Variants in ALOXE3 observed in about 807,000 individuals in gnomAD.
ALOXE3 encodes the protein arachidonate epidermal lipoxygenase 3, also known as hydroperoxide isomerase ALOXE3.
A neutral mutation model predicts 87.5 loss-of-function variants in ALOXE3; 78 were observed. The ratio of observed to expected loss-of-function variants is 0.89; its 90% CI spans 0.74 to 1.08. The LOEUF (loss-of-function observed/expected upper bound fraction) is 1.08, where lower values mean the gene tolerates loss of function less well. Ranked by LOEUF, ALOXE3 falls within the 50% of genes least tolerant of loss-of-function variation. ALOXE3 has a pLI of 0.00. For missense variants in ALOXE3, 946 were observed against 912.4 expected, an observed-to-expected ratio of 1.04 and a Z score of -0.47; for synonymous variants, 363 against 370.8, an observed-to-expected ratio of 0.98 and a Z score of 0.24.
intron 5 of ALOXE3, 100 bp from the exon 6 acceptor site, chr17:8,114,709 C>A: frequency 6.4e-7 from 1 of 1,561,922 alleles, no homozygotes; most frequent in South Asian, 1.1e-5. Context: ...GTCCCTGGGT[C>A]TCTCTTACTC....
chr17:8,101,557 C>G (rs1375823489), intron 15 of ALOXE3, among the ~76,000 whole-genome samples: 4 of 152,110 alleles, frequency 2.6e-5, no homozygotes, highest in Non-Finnish European at 5.9e-5. Flanking sequence ...GGGACAGGAC[C>G]CAGAGTCCTG....
intron 13 of ALOXE3, among the ~76,000 whole-genome samples, chr17:8,105,955 C>A (rs7210393): frequency 7.2e-6 from 1 of 138,404 alleles, no homozygotes; most frequent in Admixed American, 7.8e-5. Context: ...TAGGAAGGCA[C>A]GGGGTATTAA....
intron 5 of ALOXE3, 115 bp from the exon 6 acceptor site, chr17:8,114,724 C>T: frequency 6.6e-7 from 1 of 1,525,584 alleles, no homozygotes. Flanking sequence ...TTACTCCCGG[C>T]TCCTCCCCTG....
At chr17:8,112,505 C>T (rs1228178979) in intron 6 of ALOXE3, among the ~76,000 whole-genome samples, 1 of 152,142 alleles carries the variant, frequency 6.6e-6, no homozygotes, top group African/African-American at 2.4e-5. Context: ...GCCCTCTTGT[C>T]ACAGACCTCC....
intron 15 of ALOXE3, among the ~76,000 whole-genome samples, chr17:8,099,468 CCTGA>C (rs1428939466): frequency 3.3e-5 from 5 of 151,980 alleles, no homozygotes; most frequent in African/African-American, 1.2e-4. Flanking sequence ...TCGAGACCAG[CCTGA>C]CTAACATGGA....
upstream of ALOXE3, chr17:8,118,880 A>C: frequency 6.7e-7 from 1 of 1,497,724 alleles, no homozygotes. Context: ...CTCTCAGAGA[A>C]GCCCATAGCC....
Position 8,114,598 on chromosome 17 carries a change from C to G in ALOXE3, c.566G>C (p.Arg189Pro), listed in dbSNP as rs200286114. The change falls in exon 6 of 16, where the codon CGG becomes CCG. Residue 189 changes from arginine (R) to proline (P), a missense_variant. Coordinates refer to ENST00000448843, the MANE Select transcript of ALOXE3 (RefSeq NM_021628.3). ...TTTCATGGGGAAGCCGGGCAGGTAC[C>G]GATTCCCACTGCTGGGGGTCGGGGG... is the stretch of plus-strand genomic sequence containing the variant. ...CVDQGDSSGN[R>P]YLPGFPMKID... The G allele has an allele frequency of 4.2e-5, 67 of 1,613,834 alleles. No homozygotes were observed. In the East Asian group the frequency reaches 1.5e-3, roughly 36 times the overall value.
intron 8 of ALOXE3, 101 bp downstream of exon 8, chr17:8,111,258 C>A: frequency 6.9e-7 from 1 of 1,443,372 alleles, no homozygotes; most frequent in Non-Finnish European, 9.6e-7. Flanking sequence ...AGGTGAAATG[C>A]AGCCCAGGCC....
chr17:8,102,207 A>G (rs907130086), intron 15 of ALOXE3, among the ~76,000 whole-genome samples: 10 of 152,026 alleles, frequency 6.6e-5, no homozygotes, highest in Non-Finnish European at 1.5e-4. Flanking sequence ...AAAAGTCTTG[A>G]TTGGCGGCCG....
intron 12 of ALOXE3, 82 bp from the exon 13 acceptor site, chr17:8,108,671 G>A: frequency 6.4e-7 from 1 of 1,573,576 alleles, no homozygotes; most frequent in Non-Finnish European, 8.7e-7. Context: ...TGCTGCTCAG[G>A]CGGCAGAGAG....
At chr17:8,103,661 G>T in intron 14 of ALOXE3, 168 bp from the exon 15 acceptor site, 1 of 818,668 alleles carries the variant, frequency 1.2e-6, no homozygotes. Context: ...GGAAAGGCAA[G>T]AGAGGAAAGG....
rs373840965 is a variant in ALOXE3 at position 8,100,092 on chromosome 17, G to A, written c.1956+3231C>T. ...GCTTTTTTTCAGACAACCTGACCCT[G>A]TCAAAAGAGAGAAAGAGAGAGAAAG... On this transcript the variant is annotated intron_variant, in intron 15 of 15. Transcript: ENST00000448843. Among the ~76,000 whole-genome samples, 17 of 143,400 alleles carry A rather than the reference G, an allele frequency of 1.2e-4. 1 individual carries two copies. The East Asian group carries it at 1.8e-3, about 16-fold the overall frequency. The allele number at this position is 143,400 out of a possible 152,430, so 94.1% of individuals were successfully genotyped here. A position where few individuals can be genotyped will look rare whatever the true frequency, so the allele number is the denominator to read the frequency against.
At position 8,096,578 on chromosome 17, in the gene ALOXE3, C is replaced by T. The variant is rs1478245954; in HGVS notation, c.*49G>A. Reference sequence around the variant, plus strand: ...GTCTGGAGGACCTGAGGAACTGGTCCTCCTCATGCTTGGACCTTTCTTTCT... The same window carrying T: ...GTCTGGAGGACCTGAGGAACTGGTCTTCCTCATGCTTGGACCTTTCTTTCT... On this transcript the variant is annotated 3_prime_UTR_variant, in exon 16 of 16. Coordinates refer to ENST00000448843, the MANE Select transcript of ALOXE3 (RefSeq NM_021628.3). 1.1e-6 allele frequency: 1 copy of T among 893,472 alleles called. No homozygotes were observed. The highest frequency in any genetic ancestry group is 1.6e-5 in the African/African-American group (1 of 61,130). 55.3% of individuals were successfully genotyped at this position (893,472 alleles called of 1,614,324 possible).
At chr17:8,106,782 T>A (rs1979346450) in intron 13 of ALOXE3, among the ~76,000 whole-genome samples, 1 of 152,152 alleles carries the variant, frequency 6.6e-6, no homozygotes, top group Admixed American at 6.5e-5. Context: ...TGTTTTCCCT[T>A]TTTAAATACT....
chr17:8,105,667 C>A (rs1283201433), intron 13 of ALOXE3, among the ~76,000 whole-genome samples: 1 of 152,126 alleles, frequency 6.6e-6, no homozygotes, highest in African/African-American at 2.4e-5. Context: ...GCATGGGAGG[C>A]AGAGGTGGGA....
At chr17:8,116,689 C>G in intron 3 of ALOXE3, 87 bp downstream of exon 3, 1 of 1,467,420 alleles carries the variant, frequency 6.8e-7, no homozygotes, top group Non-Finnish European at 9.5e-7. Flanking sequence ...CAATCTTATT[C>G]CCTATACTCT....
In ALOXE3 at chr17:8,110,465, C is replaced by A. The variant is rs781305724; in HGVS notation, c.1021G>T (p.Gly341Cys). 4 of 1,613,652 alleles carry A rather than the reference C, an allele frequency of 2.5e-6. No homozygotes were observed. Among genetic ancestry groups the A allele is most frequent in the South Asian group, 1.1e-5 (1 of 91,056 alleles). ...LAEAPTHCLN[G>C]RQQYVAAPLC... ...GGGGCGGCCACGTACTGCTGGCGGC[C>A]GTTTAGGCAGTGGGTGGGGGCCTCC... Residue 341 changes from glycine (G) to cysteine (C), a missense_variant, in exon 9 of 16, where the codon GGC (glycine) becomes TGC (cysteine). Physicochemically the swap from Gly to Cys is radical, Grantham distance 159 (BLOSUM62 -3). Coordinates refer to ENST00000448843, the MANE Select transcript of ALOXE3 (RefSeq NM_021628.3).
chr17:8,096,754 C>T lies in ALOXE3; in HGVS notation c.2009G>A (p.Arg670Gln), dbSNP rs780485184. The T allele has an allele frequency of 2.0e-5, 33 of 1,614,088 alleles. No individual in the cohort carries two copies. The highest frequency in any genetic ancestry group is 3.3e-5 in the South Asian group (3 of 91,084). Residue 670 changes from arginine to glutamine, a missense_variant, in exon 16 of 16, where the codon CGG (arginine) becomes CAG (glutamine). Arg to Gln is a conservative substitution (Grantham distance 43). Coordinates refer to ENST00000448843, the MANE Select transcript of ALOXE3 (RefSeq NM_021628.3). ...DEHFTEEAPR[R>Q]SIAAFQSRLA... The stretch of plus-strand genomic sequence containing the variant: ...GCGGCTCTGGAAGGCGGCGATGCTC[C>T]GCCTCGGGGCCTCCTCTGTGAAGTG...
At position 8,115,644 on chromosome 17, in the gene ALOXE3, T is replaced by A. The variant is rs373520842; in HGVS notation, c.397A>T (p.Arg133Trp). The A allele has an allele frequency of 6.2e-7, 1 of 1,614,042 alleles. No homozygotes were observed. The change falls in exon 4 of 16, where the codon AGG becomes TGG. Residue 133 changes from arginine (R) to tryptophan (W), a missense_variant. Coordinates refer to ENST00000448843, the MANE Select transcript of ALOXE3 (RefSeq NM_021628.3). ...TGTCGGGCCCGGAGCTCCCGTGTCC[T>A]GTGATCCAGGAGGAGGGGAAGAGAG... Reference protein sequence around the residue: ...QDSLPLLLDHRTRELRARQEC... With the variant: ...QDSLPLLLDHWTRELRARQEC...
Sources: gnomAD v4.1 joint callset for allele counts (sites outside exome capture counted in the v4.1 genomes callset) on GRCh38, gnomAD v4.1.1 for gene constraint, MANE v1.5 for transcripts, NCBI Gene and HGNC (gene_info 2026-07-23, HGNC 2026-07-21) for gene names.